The following MRC1 variants were observed in gnomAD, a reference collection of about 807,000 sequenced individuals.
MRC1 encodes the protein macrophage mannose receptor 1.
A neutral mutation model predicts 102.9 loss-of-function variants in MRC1; 62 were observed. That is an observed-to-expected ratio of 0.60 (90% CI 0.49 to 0.74). The LOEUF (loss-of-function observed/expected upper bound fraction) is 0.74, where lower values mean the gene tolerates loss of function less well. Among genes scored for constraint, MRC1 ranks in the 30% least tolerant of loss-of-function variants. The pLI, the probability that MRC1 is intolerant of heterozygous loss-of-function variation, is 0.00. For synonymous variants in MRC1, 457 were observed against 298.4 expected, an observed-to-expected ratio of 1.53 and a Z score of -5.48; for missense variants, 1,237 against 862.8, an observed-to-expected ratio of 1.43 and a Z score of -5.43.
chr10:17,847,701 T>A (rs1764355336), intron 6 of MRC1, among the ~76,000 whole-genome samples: 2 of 152,256 alleles, frequency 1.3e-5, no homozygotes, highest in Non-Finnish European at 2.9e-5. Context: ...ACATGAGCTG[T>A]GGCTAGAGGA....
intron 23 of MRC1, among the ~76,000 whole-genome samples, chr10:17,895,332 A>G (rs1438383898): frequency 6.6e-6 from 1 of 152,144 alleles, no homozygotes; most frequent in African/African-American, 2.4e-5. Context: ...CAAAAAGGGT[A>G]ATGTTTTCTA....
Position 17,898,035 on chromosome 10 carries a change from C to T in MRC1, c.3252C>T (p.Asp1084=). The T allele has an allele frequency of 1.3e-6, 1 of 780,774 alleles. No individual in the cohort carries two copies. Among genetic ancestry groups the T allele is most frequent in the East Asian group, 2.4e-5 (1 of 41,252 alleles). The allele number at this position is 780,774 out of a possible 1,614,324, so 48.4% of individuals were successfully genotyped here. The change falls in exon 24 of 30, where the codon GAC becomes GAT. Residue 1084 remains aspartate (D), a splice_region_variant and synonymous_variant. Transcript: ENST00000569591. ...AATGAAAATAATGTTTTTATCTAGACCCTTCCTTGACTAATCCTCCAGCAA... is the reference window on the plus strand; with the variant it reads ...AATGAAAATAATGTTTTTATCTAGATCCTTCCTTGACTAATCCTCCAGCAA... ...KRGYICQTRS[D]PSLTNPPATI...
At chr10:17,816,309 G>A (rs1838311886) in intron 1 of MRC1, among the ~76,000 whole-genome samples, 1 of 152,202 alleles carries the variant, frequency 6.6e-6, no homozygotes, top group African/African-American at 2.4e-5. Context: ...TGGTTTGAGG[G>A]CAAGTTAGTT....
intron 11 of MRC1, among the ~76,000 whole-genome samples, chr10:17,864,777 C>T (rs1312215906): frequency 2.1e-5 from 3 of 140,064 alleles, no homozygotes; most frequent in East Asian, 2.1e-4. Context: ...TGCAGTGAGT[C>T]GAGATTGTGC....
chr10:17,880,684 T>A lies in MRC1; in HGVS notation c.2865+14T>A, dbSNP rs1833501436. ...TACAGCAACAAGGTACTAGGAAAAT[T>A]AGTTGCAATCTTGGCACTGATCAGT... On this transcript the variant is annotated intron_variant, in intron 20 of 29. Transcript: ENST00000569591. The A allele has an allele frequency of 6.4e-6, 5 of 780,838 alleles. No individual in the cohort carries two copies. The highest frequency in any genetic ancestry group is 1.2e-5 in the Non-Finnish European group (5 of 417,944). 48.4% of individuals were successfully genotyped at this position (780,838 alleles called of 1,614,324 possible).
In MRC1 at chr10:17,830,648, C is replaced by G. The variant is rs887903426; in HGVS notation, c.637+2933C>G. ...TCTCAGTTCTCTGTAGCAAGTTTAGCTTCCAGCATCAGTTGTGTTGGTTTA... is the reference window on the plus strand; with the variant it reads ...TCTCAGTTCTCTGTAGCAAGTTTAGGTTCCAGCATCAGTTGTGTTGGTTTA... On this transcript the variant is annotated intron_variant, in intron 3 of 29. Transcript: ENST00000569591. 2.6e-4 allele frequency among the ~76,000 whole-genome samples: 39 copies of G among 151,452 alleles called. No homozygotes were observed. In the East Asian group the frequency reaches 7.3e-3, roughly 28 times the overall value.
In MRC1 at chr10:17,901,973, A is replaced by T; in HGVS notation, c.3650A>T (p.Glu1217Val). Residue 1217 changes from glutamate (E) to valine (V), a missense_variant and splice_region_variant, in exon 26 of 30, where the codon GAA (glutamate) becomes GTA (valine). Glu to Val is a moderately radical substitution (Grantham distance 121, BLOSUM62 -2). Transcript: ENST00000569591. The stretch of plus-strand genomic sequence containing the variant: ...ATTTAAAATGTGTTTTTATTAACAG[A>T]AATCCCTGCTACTGAACCCCCACAA... Reference protein sequence around the residue: ...SFYFLCKRSDEIPATEPPQLP... With the variant: ...SFYFLCKRSDVIPATEPPQLP... 1 of 780,826 alleles carries T rather than the reference A, an allele frequency of 1.3e-6. No individual in the cohort carries two copies. The highest frequency in any genetic ancestry group is 1.3e-5 in the South Asian group (1 of 74,608). The allele number at this position is 780,826 out of a possible 1,614,324, so 48.4% of individuals were successfully genotyped here.
chr10:17,863,537 T>G lies in MRC1; in HGVS notation c.1638T>G (p.Tyr546Ter). 1.3e-6 allele frequency: 1 copy of G among 780,856 alleles called. No homozygotes were observed. The highest frequency in any genetic ancestry group is 2.4e-6 in the Non-Finnish European group (1 of 417,956). The allele number at this position is 780,856 out of a possible 1,614,324, so 48.4% of individuals were successfully genotyped here. Residue 546 changes from tyrosine (Y) to a stop codon, truncating the protein, a stop_gained, in exon 11 of 30, where the codon TAT becomes TAG. Coordinates refer to ENST00000569591, the MANE Select transcript of MRC1 (RefSeq NM_002438.4). LOFTEE classifies it high-confidence loss of function. Reference protein sequence around the residue: ...NAYLTTIEDRYEQAFLTSFVG... With the variant: ...NAYLTTIEDR ...ATGTTAATTCTTCTTTTTAAAGATA[T>G]GAACAAGCCTTCCTGACTAGTTTCG...
intron 17 of MRC1, among the ~76,000 whole-genome samples, chr10:17,876,270 C>T (rs2130684246): frequency 7.0e-6 from 1 of 142,942 alleles, no homozygotes; most frequent in Middle Eastern, 3.7e-3. Context: ...TTTTCTGAGA[C>T]AGTGTCTTGC....
In MRC1 at chr10:17,907,657, A is replaced by T; in HGVS notation, c.4037A>T (p.His1346Leu). Residue 1346 changes from histidine to leucine, a missense_variant, in exon 28 of 30, where the codon CAC (histidine) becomes CTC (leucine). His to Leu is a moderately conservative substitution (Grantham distance 99). Coordinates refer to ENST00000569591, the MANE Select transcript of MRC1 (RefSeq NM_002438.4). ...HASSGFWSNI[H>L]CSSYKGYICK... ...TCTTCTGGGTTTTGGAGTAATATTCACTGTTCATCCTACAAAGGATATATT... is the reference window on the plus strand; with the variant it reads ...TCTTCTGGGTTTTGGAGTAATATTCTCTGTTCATCCTACAAAGGATATATT... The T allele has an allele frequency of 2.6e-6, 2 of 780,850 alleles. No homozygotes were observed. The highest frequency in any genetic ancestry group is 1.7e-5 in the Admixed American group (1 of 59,022). The allele number at this position is 780,850 out of a possible 1,614,324, so 48.4% of individuals were successfully genotyped here.
At chr10:17,895,488 A>G (rs1257892681) in intron 23 of MRC1, among the ~76,000 whole-genome samples, 2 of 151,934 alleles carry the variant, frequency 1.3e-5, no homozygotes, top group African/African-American at 2.4e-5. Flanking sequence ...CCTCCCTTTA[A>G]TTCATGTAAT....
At chr10:17,888,455 T>C (rs1317751220) in intron 22 of MRC1, among the ~76,000 whole-genome samples, 1 of 152,354 alleles carries the variant, frequency 6.6e-6, no homozygotes, top group East Asian at 1.9e-4. Flanking sequence ...CACAGTGACA[T>C]GTCTCTTAAG....
intron 23 of MRC1, among the ~76,000 whole-genome samples, chr10:17,894,822 C>T (rs937624428): frequency 6.6e-6 from 1 of 152,028 alleles, no homozygotes; most frequent in South Asian, 2.1e-4. Context: ...TCACCTAGCC[C>T]CACATGCATT....
In MRC1 at chr10:17,880,313, A is replaced by G. The variant is rs925210528; in HGVS notation, c.2720-212A>G. ...GCAACATCATGTACATGTTTGGTTC[A>G]TAGGATGCTCTCTATAAAGTGGAAC... On this transcript the variant is annotated intron_variant, in intron 19 of 29. Coordinates refer to ENST00000569591, the MANE Select transcript of MRC1 (RefSeq NM_002438.4). Among the ~76,000 whole-genome samples the G allele has an allele frequency of 9.8e-5, 15 of 152,354 alleles. No homozygotes were observed. The East Asian group carries it at 2.7e-3, about 27-fold the overall frequency.
chr10:17,827,858 C>A, intron 3 of MRC1, 143 bp downstream of exon 3: 1 of 664,058 alleles, frequency 1.5e-6, no homozygotes, highest in East Asian at 2.5e-5. Flanking sequence ...CCTTTACAGA[C>A]GTTATTATTT....
At chr10:17,874,970 C>T in intron 16 of MRC1, 120 bp from the exon 17 acceptor site, 1 of 747,310 alleles carries the variant, frequency 1.3e-6, no homozygotes, top group Admixed American at 1.9e-5. Flanking sequence ...TCTGGTCTCT[C>T]AGAGTTGCAG....
At chr10:17,836,692 TG>T (rs1446597334) in intron 4 of MRC1, among the ~76,000 whole-genome samples, 2 of 151,798 alleles carry the variant, frequency 1.3e-5, no homozygotes, top group African/African-American at 2.4e-5. Context: ...AAAAATTAGC[TG>T]GGCACGGTGG....
intron 9 of MRC1, among the ~76,000 whole-genome samples, chr10:17,857,825 C>T (rs1201698104): frequency 6.6e-6 from 1 of 152,118 alleles, no homozygotes; most frequent in African/African-American, 2.4e-5. Flanking sequence ...GTTGTTGTTG[C>T]ACAGACCTGG....
At chr10:17,834,034 A>T (rs1299325927) in intron 4 of MRC1, among the ~76,000 whole-genome samples, 195 bp downstream of exon 4, 1 of 152,226 alleles carries the variant, frequency 6.6e-6, no homozygotes, top group Non-Finnish European at 1.5e-5. Context: ...TCCTGTGCCA[A>T]CTATTGGTTT....
Sources: allele counts gnomAD v4.1 joint callset (sites outside exome capture counted in the v4.1 genomes callset), GRCh38; gene constraint gnomAD v4.1.1; transcripts MANE v1.5; gene names NCBI Gene and HGNC (gene_info 2026-07-23, HGNC 2026-07-21).